Variants in RALGAPA2 observed in about 807,000 individuals in gnomAD.
RALGAPA2 encodes Ral GTPase activating protein catalytic subunit alpha 2.
In RALGAPA2, 139 loss-of-function variants were observed where a neutral mutation model predicts 230.4. The observed-to-expected ratio is 0.60, with a 90% confidence interval of 0.53 to 0.69. The LOEUF is 0.69. Ranked by LOEUF, RALGAPA2 falls within the 30% of genes least tolerant of loss-of-function variation. RALGAPA2 has a pLI of 0.00. For synonymous variants in RALGAPA2, 847 were observed against 837.8 expected, an observed-to-expected ratio of 1.01 and a Z score of -0.19; for missense variants, 2,163 against 2,276.0, an observed-to-expected ratio of 0.95 and a Z score of 1.01.
At chr20:20,589,062 A>T (rs907570128) in intron 18 of RALGAPA2, among the ~76,000 whole-genome samples, 1 of 152,132 alleles carries the variant, frequency 6.6e-6, no homozygotes, top group Admixed American at 6.5e-5. Context: ...TTTTCATGTT[A>T]ATTTTTTTCC....
chr20:20,639,706 A>C, intron 7 of RALGAPA2, 79 bp downstream of exon 7: 1 of 988,226 alleles, frequency 1.0e-6, no homozygotes, highest in Non-Finnish European at 1.6e-6. Context: ...ATATAGATAC[A>C]CAGAGGGAAA....
At chr20:20,491,879 T>C (rs930859887) in intron 36 of RALGAPA2, among the ~76,000 whole-genome samples, 1 of 151,954 alleles carries the variant, frequency 6.6e-6, no homozygotes, top group Non-Finnish European at 1.5e-5. Context: ...GCTCAAGAAG[T>C]GAACAGGCCC....
chr20:20,460,263 A>G (rs1299503350), intron 37 of RALGAPA2, among the ~76,000 whole-genome samples: 1 of 152,162 alleles, frequency 6.6e-6, no homozygotes, highest in East Asian at 1.9e-4. Context: ...CATTCCATAC[A>G]TCCTTACAAT....
At chr20:20,709,754 T>C (rs1345298120) in intron 1 of RALGAPA2, among the ~76,000 whole-genome samples, 1 of 152,224 alleles carries the variant, frequency 6.6e-6, no homozygotes, top group Non-Finnish European at 1.5e-5. Context: ...AAATTGGAGT[T>C]ATTACCATGA....
intron 18 of RALGAPA2, among the ~76,000 whole-genome samples, chr20:20,586,331 C>T (rs1000748145): frequency 1.3e-5 from 2 of 152,148 alleles, no homozygotes; most frequent in Admixed American, 6.6e-5. Flanking sequence ...ACCAAGACTC[C>T]AGGATTAAAG....
chr20:20,488,826 G>A (rs1222444341), intron 36 of RALGAPA2, among the ~76,000 whole-genome samples: 2 of 152,158 alleles, frequency 1.3e-5, no homozygotes, highest in South Asian at 2.1e-4. Flanking sequence ...TAGATTCCAG[G>A]AGAGTGGGAC....
intron 37 of RALGAPA2, among the ~76,000 whole-genome samples, chr20:20,443,060 G>C (rs138724664): frequency 6.6e-6 from 1 of 152,296 alleles, no homozygotes; most frequent in East Asian, 1.9e-4. Context: ...TACAATAGCT[G>C]CATTTAAAGC....
At chr20:20,468,393 C>CATGCAT (rs1376275596) in intron 37 of RALGAPA2, among the ~76,000 whole-genome samples, 1 of 151,892 alleles carries the variant, frequency 6.6e-6, no homozygotes, top group East Asian at 1.9e-4. Flanking sequence ...CCCCTCTCCC[C>CATGCAT]ATGCATTTTT....
chr20:20,679,456 C>G (rs564194296), intron 2 of RALGAPA2, among the ~76,000 whole-genome samples: 1 of 152,248 alleles, frequency 6.6e-6, no homozygotes, highest in South Asian at 2.1e-4. Flanking sequence ...GCCTCTGGTT[C>G]AATCGCTACT....
chr20:20,596,969 G>A (rs970543442), intron 16 of RALGAPA2, among the ~76,000 whole-genome samples: 2 of 152,166 alleles, frequency 1.3e-5, no homozygotes, highest in African/African-American at 2.4e-5. Flanking sequence ...GAGAATCACT[G>A]CTCTAAATCA....
In RALGAPA2 at chr20:20,500,256, A is replaced by C. The variant is rs1402689178; in HGVS notation, c.5208+3095T>G. ...ACATTGATTGACTCTTCCTTTCATG[A>C]AAGATTTCTCTGTAGCATGTGATGG... is the stretch of plus-strand genomic sequence containing the variant. On this transcript the variant is annotated intron_variant, in intron 35 of 39. Coordinates refer to ENST00000202677, the MANE Select transcript of RALGAPA2 (RefSeq NM_020343.4). Among the ~76,000 whole-genome samples, 5 of 152,192 alleles carry C rather than the reference A, an allele frequency of 3.3e-5. No homozygotes were observed. In the East Asian group the frequency reaches 9.6e-4, roughly 29 times the overall value.
At chr20:20,703,807 C>G (rs932676727) in intron 1 of RALGAPA2, among the ~76,000 whole-genome samples, 19 of 152,112 alleles carry the variant, frequency 1.2e-4, no homozygotes, top group Non-Finnish European at 2.8e-4. Flanking sequence ...GACGACATGG[C>G]GGGTTCCTAT....
At chr20:20,543,135 C>A (rs1446099351) in intron 24 of RALGAPA2, among the ~76,000 whole-genome samples, 3 of 152,116 alleles carry the variant, frequency 2.0e-5, no homozygotes, top group African/African-American at 7.2e-5. Context: ...ATCTCCGCCT[C>A]CCAGGTTCAA....
chr20:20,670,317 G>T (rs73124442), intron 3 of RALGAPA2, among the ~76,000 whole-genome samples: 345 of 152,350 alleles, frequency 2.3e-3, no homozygotes, highest in Admixed American at 3.7e-3. Context: ...CAGCATGCCA[G>T]TAAGTTAGAA....
At chr20:20,459,688 T>C (rs549458214) in intron 37 of RALGAPA2, among the ~76,000 whole-genome samples, 7 of 152,238 alleles carry the variant, frequency 4.6e-5, no homozygotes, top group African/African-American at 1.7e-4. Context: ...TATAATAAAT[T>C]ATAATCAGCG....
intron 31 of RALGAPA2, among the ~76,000 whole-genome samples, chr20:20,515,972 G>A (rs1465072366): frequency 1.3e-5 from 2 of 152,174 alleles, no homozygotes; most frequent in Non-Finnish European, 2.9e-5. Flanking sequence ...CGTGCAGACT[G>A]CCTGGATCTA....
intron 37 of RALGAPA2, among the ~76,000 whole-genome samples, chr20:20,412,779 AG>A (rs1389167136): frequency 2.6e-5 from 4 of 152,236 alleles, no homozygotes; most frequent in Non-Finnish European, 4.4e-5. Flanking sequence ...TTAAAACTGC[AG>A]TCTGGAACAC....
chr20:20,512,321 A>G (rs2062737456), intron 32 of RALGAPA2, among the ~76,000 whole-genome samples, 192 bp downstream of exon 32: 1 of 152,100 alleles, frequency 6.6e-6, no homozygotes, highest in Non-Finnish European at 1.5e-5. Context: ...CAATCTGCAC[A>G]CCAGTACAGC....
intron 11 of RALGAPA2, among the ~76,000 whole-genome samples, chr20:20,619,963 C>T (rs1392549185): frequency 3.3e-5 from 5 of 152,200 alleles, no homozygotes; most frequent in Non-Finnish European, 7.3e-5. Context: ...ACAGTGGCCC[C>T]TCCAGGAGGC....
Sources: allele counts gnomAD v4.1 joint callset (sites outside exome capture counted in the v4.1 genomes callset), GRCh38; gene constraint gnomAD v4.1.1; transcripts MANE v1.5; gene names NCBI Gene and HGNC (gene_info 2026-07-23, HGNC 2026-07-21).